Variants in GPC3 observed in about 807,000 individuals in gnomAD.
GPC3 encodes glypican 3.
Under a neutral mutation model 34.4 loss-of-function variants are expected in GPC3, and 3 were observed. The ratio of observed to expected loss-of-function variants is 0.09; its 90% CI spans 0.04 to 0.23. The LOEUF is 0.23. GPC3 is among the 10% of genes least tolerant of loss of function. The pLI is 1.00. For missense variants in GPC3, 351 were observed against 445.6 expected, an observed-to-expected ratio of 0.79 and a Z score of 1.91; for synonymous variants, 177 against 174.0, an observed-to-expected ratio of 1.02 and a Z score of -0.13.
At chrX:133,956,809 G>T (rs1434030670) in intron 1 of GPC3, among the ~76,000 whole-genome samples, 1 of 111,465 alleles carries the variant, frequency 9.0e-6, no homozygotes, top group East Asian at 2.8e-4. Flanking sequence ...TCAGTGAAGT[G>T]CTATGAGTGG....
intron 2 of GPC3, among the ~76,000 whole-genome samples, chrX:133,855,549 A>ATATATATATAT (rs1569445704): frequency 4.7e-5 from 5 of 105,916 alleles, no homozygotes; most frequent in African/African-American, 6.9e-5. Context: ...ATATATATAT[A>ATATATATATAT]GTAAAATGGT....
chrX:133,916,198 A>AATATTGC (rs1256725504), intron 2 of GPC3, among the ~76,000 whole-genome samples: 1 of 110,663 alleles, frequency 9.0e-6, no homozygotes, highest in Non-Finnish European at 1.9e-5. Flanking sequence ...ACACTCAAAC[A>AATATTGC]ATATTGCATA....
chrX:133,638,998 C>G (rs865914579), intron 6 of GPC3, among the ~76,000 whole-genome samples: 1 of 111,289 alleles, frequency 9.0e-6, no homozygotes, highest in Non-Finnish European at 1.9e-5. Flanking sequence ...CCCTCAGGCT[C>G]CTAATTCAAA....
chrX:133,941,615 TC>T (rs759078292), intron 2 of GPC3, among the ~76,000 whole-genome samples: 51 of 112,165 alleles, frequency 4.5e-4, no homozygotes, highest in Non-Finnish European at 8.6e-4. Flanking sequence ...CCTACCTATT[TC>T]CACACAGCTG....
chrX:133,673,619 G>A (rs1397653074), intron 5 of GPC3, among the ~76,000 whole-genome samples: 3 of 112,368 alleles, frequency 2.7e-5, no homozygotes, highest in African/African-American at 9.7e-5. Context: ...GAGTCACGTG[G>A]TGGAAAGAGC....
chrX:133,699,525 C>T (rs1370665307), intron 4 of GPC3, among the ~76,000 whole-genome samples: 3 of 111,860 alleles, frequency 2.7e-5, no homozygotes, highest in Non-Finnish European at 3.8e-5. Flanking sequence ...TCACCAGCTT[C>T]TCTCTGGTGA....
At chrX:133,611,085 C>A (rs1240931409) in intron 6 of GPC3, among the ~76,000 whole-genome samples, 1 of 110,093 alleles carries the variant, frequency 9.1e-6, no homozygotes, top group Non-Finnish European at 1.9e-5. Context: ...GAAAAAGAAG[C>A]AAAAGAATGT....
At chrX:133,621,509 G>A (rs932087972) in intron 6 of GPC3, among the ~76,000 whole-genome samples, 8 of 112,272 alleles carry the variant, frequency 7.1e-5, no homozygotes, top group South Asian at 7.5e-4. Flanking sequence ...ATTATATCCC[G>A]CGCCTGGCTT....
At chrX:133,758,088 T>C (rs1442550741) in intron 2 of GPC3, among the ~76,000 whole-genome samples, 2 of 112,011 alleles carry the variant, frequency 1.8e-5, no homozygotes, top group African/African-American at 3.2e-5. Flanking sequence ...GGAAGGCATT[T>C]ACACTGTTGG....
At chrX:133,583,284 A>G (rs757030062) in intron 7 of GPC3, among the ~76,000 whole-genome samples, 12 of 111,763 alleles carry the variant, frequency 1.1e-4, no homozygotes, top group Non-Finnish European at 1.9e-4. Flanking sequence ...CCTGGAAGTC[A>G]AAAGTCCATC....
At chrX:133,738,915 C>CAAATA (rs2071537137) in intron 3 of GPC3, among the ~76,000 whole-genome samples, 1 of 111,795 alleles carries the variant, frequency 8.9e-6, no homozygotes, top group Non-Finnish European at 1.9e-5. Context: ...AAGCAGAGGA[C>CAAATA]TACAGCCATA....
intron 2 of GPC3, among the ~76,000 whole-genome samples, chrX:133,933,957 T>C (rs1226413997): frequency 9.7e-6 from 1 of 103,515 alleles, no homozygotes; most frequent in Admixed American, 1.1e-4. Context: ...CTCAGCCTCC[T>C]GGGTTCAAGC....
intron 6 of GPC3, among the ~76,000 whole-genome samples, chrX:133,623,886 C>A (rs1429483369): frequency 9.0e-6 from 1 of 111,547 alleles, no homozygotes; most frequent in Non-Finnish European, 1.9e-5. Flanking sequence ...ACACCTATTC[C>A]AAAATTGACC....
intron 2 of GPC3, among the ~76,000 whole-genome samples, chrX:133,855,396 G>A (rs1334222743): frequency 1.8e-5 from 2 of 109,803 alleles, no homozygotes; most frequent in Non-Finnish European, 3.8e-5. Context: ...GCACTCCTGA[G>A]CTCAAGCGAT....
intron 7 of GPC3, among the ~76,000 whole-genome samples, chrX:133,574,398 T>G (rs2069659214): frequency 9.0e-6 from 1 of 111,438 alleles, no homozygotes; most frequent in Non-Finnish European, 1.9e-5. Context: ...ACATTTAAAA[T>G]GATATTTTAT....
intron 1 of GPC3, among the ~76,000 whole-genome samples, chrX:133,965,998 C>T (rs2076461782): frequency 9.0e-6 from 1 of 111,665 alleles, no homozygotes; most frequent in African/African-American, 3.3e-5. Context: ...ACCAAATTTT[C>T]TGTAAGGTCA....
intron 6 of GPC3, among the ~76,000 whole-genome samples, chrX:133,634,765 C>A (rs1320529798): frequency 8.9e-6 from 1 of 111,783 alleles, no homozygotes; most frequent in African/African-American, 3.3e-5. Context: ...GTGATGGTTG[C>A]ACAATTGTAT....
chrX:133,667,067 G>A (rs916045951), intron 5 of GPC3, among the ~76,000 whole-genome samples: 1 of 111,687 alleles, frequency 9.0e-6, no homozygotes, highest in Non-Finnish European at 1.9e-5. Context: ...CTTTCTTGAG[G>A]TAGAATCGAT....
chrX:133,796,720 A>C (rs1294584873), intron 2 of GPC3, among the ~76,000 whole-genome samples: 1 of 112,254 alleles, frequency 8.9e-6, no homozygotes, highest in Non-Finnish European at 1.9e-5. Flanking sequence ...CAATTTATAA[A>C]GTGTCAGAAA....
Sources: gnomAD v4.1 joint callset for allele counts (sites outside exome capture counted in the v4.1 genomes callset) on GRCh38, gnomAD v4.1.1 for gene constraint, MANE v1.5 for transcripts, NCBI Gene and HGNC (gene_info 2026-07-23, HGNC 2026-07-21) for gene names.